CDH18: variants seen among roughly 807,000 people sequenced by gnomAD.
The protein encoded by CDH18 is cadherin 18, also known as cadherin-18.
A neutral mutation model predicts 67.9 loss-of-function variants in CDH18; 31 were observed. That is an observed-to-expected ratio of 0.46 (90% CI 0.34 to 0.62). The LOEUF (loss-of-function observed/expected upper bound fraction) is 0.62, where lower values mean the gene tolerates loss of function less well. Ranked by LOEUF, CDH18 falls within the 20% of genes least tolerant of loss-of-function variation. The pLI is 0.01. For missense variants in CDH18, 890 were observed against 975.5 expected (o/e 0.91, Z 1.17); for synonymous variants, 362 against 347.2 (o/e 1.04, Z -0.48).
intron 8 of CDH18, among the ~76,000 whole-genome samples, chr5:19,561,025 T>C (rs1739359393): frequency 6.6e-6 from 1 of 152,130 alleles, no homozygotes; most frequent in Non-Finnish European, 1.5e-5. Flanking sequence ...TTGGCATGGA[T>C]GTGGTGAAAA....
chr5:20,326,983 T>A (rs1399297090), intron 1 of CDH18, among the ~76,000 whole-genome samples: 1 of 152,244 alleles, frequency 6.6e-6, no homozygotes, highest in Non-Finnish European at 1.5e-5. Flanking sequence ...TGACCCTTGT[T>A]AAAACACACT....
chr5:19,649,441 C>T (rs1755252828), intron 5 of CDH18, among the ~76,000 whole-genome samples: 1 of 151,924 alleles, frequency 6.6e-6, no homozygotes, highest in African/African-American at 2.4e-5. Flanking sequence ...TTTTTTCTAC[C>T]TTTGCATCTA....
At chr5:19,938,041 TTATATATTTAAATA>T (rs1794461822) in intron 2 of CDH18, among the ~76,000 whole-genome samples, 2 of 147,760 alleles carry the variant, frequency 1.4e-5, no homozygotes, top group Admixed American at 1.4e-4. Context: ...AAATATATAT[TTATATATTTAAATA>T]TATATATTTA....
At chr5:19,627,622 G>A (rs930613059) in intron 5 of CDH18, among the ~76,000 whole-genome samples, 32 of 152,124 alleles carry the variant, frequency 2.1e-4, no homozygotes, top group African/African-American at 7.5e-4. Context: ...TAAATTGTGT[G>A]CTACATATCT....
chr5:19,734,109 C>T (rs1767978624), intron 4 of CDH18, among the ~76,000 whole-genome samples: 1 of 152,140 alleles, frequency 6.6e-6, no homozygotes. Context: ...TGCAGTTAAT[C>T]ATTATTCTGT....
At chr5:20,130,181 G>T (rs1023144553) in intron 2 of CDH18, among the ~76,000 whole-genome samples, 3 of 151,424 alleles carry the variant, frequency 2.0e-5, no homozygotes, top group Non-Finnish European at 4.4e-5. Flanking sequence ...AACATGAAAG[G>T]TAGTATACTA....
intron 2 of CDH18, among the ~76,000 whole-genome samples, chr5:20,133,013 A>G (rs1749401946): frequency 6.6e-6 from 1 of 152,120 alleles, no homozygotes; most frequent in African/African-American, 2.4e-5. Flanking sequence ...CTGGAAGAAG[A>G]GTTCTCTCTT....
At chr5:19,937,988 A>G (rs1478762534) in intron 2 of CDH18, among the ~76,000 whole-genome samples, 1 of 148,252 alleles carries the variant, frequency 6.7e-6, no homozygotes, top group Non-Finnish European at 1.5e-5. Flanking sequence ...GTATATAAAT[A>G]GCAAATAAAA....
chr5:20,381,833 T>G (rs1386375064), intron 1 of CDH18, among the ~76,000 whole-genome samples: 3 of 152,126 alleles, frequency 2.0e-5, no homozygotes, highest in African/African-American at 7.2e-5. Flanking sequence ...GTAAAGTTAT[T>G]GTGCAAAATA....
intron 1 of CDH18, among the ~76,000 whole-genome samples, chr5:20,310,813 T>TG (rs1184291061): frequency 2.6e-5 from 4 of 152,206 alleles, no homozygotes; most frequent in African/African-American, 4.8e-5. Context: ...TTCTGACTAC[T>TG]GGATTGCTCT....
chr5:20,308,467 C>T (rs927426475), intron 1 of CDH18, among the ~76,000 whole-genome samples: 3 of 150,462 alleles, frequency 2.0e-5, no homozygotes, highest in African/African-American at 7.3e-5. Context: ...CGCTTGAACC[C>T]GGGAGGGGGA....
At chr5:19,866,487 A>G (rs1785512689) in intron 2 of CDH18, among the ~76,000 whole-genome samples, 1 of 152,186 alleles carries the variant, frequency 6.6e-6, no homozygotes, top group Admixed American at 6.5e-5. Context: ...TAAAGAAGGA[A>G]GAGAACACTG....
intron 2 of CDH18, among the ~76,000 whole-genome samples, chr5:19,970,755 A>T (rs1797943220): frequency 6.6e-6 from 1 of 151,230 alleles, no homozygotes; most frequent in African/African-American, 2.4e-5. Context: ...CCGTAAAATA[A>T]TATTTAATCT....
chr5:20,559,523 G>T (rs1477012377), intron 1 of CDH18, among the ~76,000 whole-genome samples: 1 of 152,000 alleles, frequency 6.6e-6, no homozygotes, highest in Non-Finnish European at 1.5e-5. Flanking sequence ...TCAATTTTCA[G>T]CAATTAAATA....
intron 5 of CDH18, among the ~76,000 whole-genome samples, chr5:19,710,008 A>G (rs1227228840): frequency 6.6e-6 from 1 of 151,628 alleles, no homozygotes; most frequent in Non-Finnish European, 1.5e-5. Flanking sequence ...GGTGGCAGGC[A>G]CCTGTAATCC....
rs146231721 is a variant in CDH18, at chr5:20,384,815, A to G, written c.-579-129310T>C. ...ATATTATTTAATTCCTTGTTTGACT[A>G]TATTAAGTAGTGTTATTTATTTATT... On this transcript the variant is annotated intron_variant, in intron 1 of 14. Coordinates refer to the CDH18 transcript ENST00000507958. Among the ~76,000 whole-genome samples the G allele has an allele frequency of 2.4e-3, 369 of 152,158 alleles. 13 individuals are homozygous for G. In the East Asian group the frequency reaches 0.068, roughly 28 times the overall value.
chr5:20,356,220 T>C (rs1741595434), intron 1 of CDH18, among the ~76,000 whole-genome samples: 1 of 152,050 alleles, frequency 6.6e-6, no homozygotes, highest in Non-Finnish European at 1.5e-5. Flanking sequence ...CCGTCTCTAC[T>C]AAAAATGCAA....
intron 1 of CDH18, among the ~76,000 whole-genome samples, chr5:20,420,992 T>C (rs993192610): frequency 2.0e-5 from 3 of 151,368 alleles, no homozygotes; most frequent in Non-Finnish European, 4.4e-5. Context: ...TTTCCTGCTT[T>C]AATAAGGCTT....
intron 1 of CDH18, among the ~76,000 whole-genome samples, chr5:20,320,978 A>G (rs752186360): frequency 5.9e-5 from 9 of 152,174 alleles, no homozygotes; most frequent in South Asian, 2.1e-4. Flanking sequence ...CTTTTAACCA[A>G]TGAAAACTCA....
Sources: gnomAD v4.1 joint callset for allele counts (sites outside exome capture counted in the v4.1 genomes callset) on GRCh38, gnomAD v4.1.1 for gene constraint, MANE v1.5 for transcripts, NCBI Gene and HGNC (gene_info 2026-07-23, HGNC 2026-07-21) for gene names.